TNFRSF21: variants seen among roughly 807,000 people sequenced by gnomAD.
The protein encoded by TNFRSF21 is TNF receptor superfamily member 21, also known as tumor necrosis factor receptor superfamily member 21.
TNFRSF21 carries 19 observed loss-of-function variants against 45.6 expected under a neutral mutation model. The observed-to-expected ratio is 0.42, with a 90% CI of 0.29 to 0.61. TNFRSF21 has a LOEUF of 0.61. Among genes scored for constraint, TNFRSF21 ranks in the 20% least tolerant of loss-of-function variants. The pLI is 0.23. For synonymous variants in TNFRSF21, 314 were observed against 335.5 expected (o/e 0.94, Z 0.70); for missense variants, 737 against 851.5 (o/e 0.87, Z 1.67).
At chr6:47,300,976 C>T (rs1762858450) in intron 1 of TNFRSF21, among the ~76,000 whole-genome samples, 1 of 152,180 alleles carries the variant, frequency 6.6e-6, no homozygotes, top group South Asian at 2.1e-4. Flanking sequence ...CAAGCAGGTA[C>T]ATACACATTA....
At chr6:47,253,115 T>G in intron 4 of TNFRSF21, 141 bp downstream of exon 4, 1 of 995,026 alleles carries the variant, frequency 1.0e-6, no homozygotes, top group Non-Finnish European at 1.5e-6. Context: ...TGTGTGTGTG[T>G]GTGTGCAGGC....
intron 3 of TNFRSF21, among the ~76,000 whole-genome samples, chr6:47,260,664 A>T (rs1323036803): frequency 6.6e-6 from 1 of 152,224 alleles, no homozygotes; most frequent in Non-Finnish European, 1.5e-5. Context: ...ATGAGAACCC[A>T]TATCAAAGCC....
intron 1 of TNFRSF21, among the ~76,000 whole-genome samples, chr6:47,298,350 G>A (rs1762819756): frequency 6.6e-6 from 1 of 151,254 alleles, no homozygotes; most frequent in African/African-American, 2.4e-5. Flanking sequence ...GAGGCTGAGT[G>A]AGGTAGGAGG....
chr6:47,251,878 A>G (rs1035748447), intron 4 of TNFRSF21, among the ~76,000 whole-genome samples: 1 of 152,226 alleles, frequency 6.6e-6, no homozygotes, highest in Non-Finnish European at 1.5e-5. Context: ...TTAGAAAGTC[A>G]TAAGACACTG....
At position 47,296,550 on chromosome 6, in the gene TNFRSF21, G is replaced by T. The variant is rs576846132; in HGVS notation, c.97-9955C>A. Among the ~76,000 whole-genome samples the T allele has an allele frequency of 2.5e-3, 376 of 152,266 alleles. 1 individual carries two copies. Among genetic ancestry groups the T allele is most frequent in the Non-Finnish European group, 2.4e-3 (166 of 68,010 alleles). On this transcript the variant is annotated intron_variant, in intron 1 of 5. Transcript: ENST00000296861. ...AGAAAGACCAAGGTATGATGGAAGG[G>T]TTGGGACTTTCAACCCCACCTCCAA...
At chr6:47,273,876 C>A (rs1229225080) in intron 3 of TNFRSF21, among the ~76,000 whole-genome samples, 1 of 152,164 alleles carries the variant, frequency 6.6e-6, no homozygotes, top group Non-Finnish European at 1.5e-5. Context: ...CATGAGTGAA[C>A]TTCCATTCAC....
intron 3 of TNFRSF21, among the ~76,000 whole-genome samples, chr6:47,269,056 G>A (rs1762375435): frequency 6.6e-6 from 1 of 152,162 alleles, no homozygotes; most frequent in Non-Finnish European, 1.5e-5. Context: ...GAATTAGAGA[G>A]CCAGGCCTTG....
At chr6:47,260,422 G>A (rs1765057946) in intron 3 of TNFRSF21, among the ~76,000 whole-genome samples, 1 of 152,120 alleles carries the variant, frequency 6.6e-6, no homozygotes, top group African/African-American at 2.4e-5. Flanking sequence ...CTGATAAACT[G>A]GGTTATTATG....
chr6:47,262,651 C>G (rs1305490474), intron 3 of TNFRSF21, among the ~76,000 whole-genome samples: 1 of 152,100 alleles, frequency 6.6e-6, no homozygotes, highest in Non-Finnish European at 1.5e-5. Flanking sequence ...TAGCATCAAG[C>G]CCCTAATGGA....
At chr6:47,245,427 AGT>A (rs375623340) in intron 4 of TNFRSF21, among the ~76,000 whole-genome samples, 4,717 of 141,944 alleles carry the variant, frequency 0.033, 141 homozygotes, top group South Asian at 0.11. Context: ...ACTAAGAAGA[AGT>A]GTGTGTGTGT....
intron 1 of TNFRSF21, among the ~76,000 whole-genome samples, chr6:47,302,676 G>T (rs1351199367): frequency 2.6e-5 from 4 of 152,194 alleles, no homozygotes; most frequent in Non-Finnish European, 5.9e-5. Flanking sequence ...CCATCGTGGA[G>T]CAGAACTGCT....
At chr6:47,306,467 G>C (rs1561955005) in intron 1 of TNFRSF21, among the ~76,000 whole-genome samples, 1 of 152,126 alleles carries the variant, frequency 6.6e-6, no homozygotes, top group Non-Finnish European at 1.5e-5. Context: ...TGTGTGGCCT[G>C]GGACAAACCA....
At chr6:47,272,107 C>T (rs1375662696) in intron 3 of TNFRSF21, among the ~76,000 whole-genome samples, 8 of 152,156 alleles carry the variant, frequency 5.3e-5, no homozygotes, top group East Asian at 3.9e-4. Context: ...GACAGATCAA[C>T]GAAACAGAAG....
intron 1 of TNFRSF21, among the ~76,000 whole-genome samples, chr6:47,304,529 A>G (rs986039525): frequency 2.0e-5 from 3 of 152,130 alleles, no homozygotes; most frequent in Admixed American, 6.5e-5. Context: ...GCTCCCACCT[A>G]TTTGTTCTGA....
intron 3 of TNFRSF21, among the ~76,000 whole-genome samples, chr6:47,263,702 A>G (rs969163515): frequency 6.6e-6 from 1 of 152,174 alleles, no homozygotes; most frequent in African/African-American, 2.4e-5. Context: ...ATGTTGTCAC[A>G]CTCTATGGAA....
intron 4 of TNFRSF21, among the ~76,000 whole-genome samples, chr6:47,251,249 G>A (rs944433010): frequency 6.6e-6 from 1 of 152,150 alleles, no homozygotes; most frequent in East Asian, 1.9e-4. Context: ...GTTGAAATGT[G>A]AAATCAAAAA....
chr6:47,234,042 A>C (rs1326404212), intron 5 of TNFRSF21, among the ~76,000 whole-genome samples: 1 of 152,152 alleles, frequency 6.6e-6, no homozygotes, highest in Non-Finnish European at 1.5e-5. Context: ...CCCAGTCTGG[A>C]GTACAGTGGC....
At chr6:47,289,370 C>G (rs533946457) in intron 1 of TNFRSF21, among the ~76,000 whole-genome samples, 1 of 152,272 alleles carries the variant, frequency 6.6e-6, no homozygotes, top group Admixed American at 6.5e-5. Flanking sequence ...AGTCCCTTCC[C>G]CTGTCCCAGA....
chr6:47,257,571 A>G (rs1331357392), intron 3 of TNFRSF21, among the ~76,000 whole-genome samples: 1 of 152,236 alleles, frequency 6.6e-6, no homozygotes, highest in Non-Finnish European at 1.5e-5. Context: ...TAGTCAAAAG[A>G]AAACAATCAA....
Sources: allele counts gnomAD v4.1 joint callset (sites outside exome capture counted in the v4.1 genomes callset), GRCh38; gene constraint gnomAD v4.1.1; transcripts MANE v1.5; gene names NCBI Gene and HGNC (gene_info 2026-07-23, HGNC 2026-07-21).